The following FHIT variants were observed in gnomAD, a reference collection of about 807,000 sequenced individuals.
FHIT encodes the protein bis(5'-adenosyl)-triphosphatase.
FHIT carries 19 observed loss-of-function variants against 17.9 expected under a neutral mutation model. The observed-to-expected ratio is 1.06, with a 90% CI of 0.74 to 1.56. The LOEUF (loss-of-function observed/expected upper bound fraction) is 1.56, where lower values mean the gene tolerates loss of function less well. Ranked by LOEUF, FHIT falls within the 40% of genes most tolerant of loss-of-function variation. The probability of loss-of-function intolerance (pLI) is 0.00; values close to 1 mark genes in which losing one functional copy is unlikely to be tolerated. For synonymous variants in FHIT, 81 were observed against 69.7 expected (o/e 1.16, Z -0.81); for missense variants, 248 against 189.2 (o/e 1.31, Z -1.82).
chr3:60,827,282 A>T (rs2106797693), intron 3 of FHIT, among the ~76,000 whole-genome samples: 1 of 152,280 alleles, frequency 6.6e-6, no homozygotes, highest in East Asian at 1.9e-4. Context: ...TTCAAAGAAA[A>T]ATCTGGCCAT....
chr3:60,334,133 A>C (rs1710122469), intron 5 of FHIT, among the ~76,000 whole-genome samples: 1 of 152,202 alleles, frequency 6.6e-6, no homozygotes, highest in Admixed American at 6.5e-5. Context: ...GGAAGGACCT[A>C]GACTGAACCC....
intron 5 of FHIT, among the ~76,000 whole-genome samples, chr3:60,146,021 C>G (rs1207528045): frequency 6.6e-6 from 1 of 151,516 alleles, no homozygotes; most frequent in Non-Finnish European, 1.5e-5. Context: ...TATTGGTTTC[C>G]TCATATTTTC....
rs185833175 is a variant in FHIT, at chr3:61,049,891, T to C, written c.-163-7792A>G. On this transcript the variant is annotated intron_variant, in intron 2 of 9. Transcript: ENST00000492590. ...ATTTTAGAGGTGCCCTCCTTATACA[T>C]GGAGGAAAGGAACATCCTTACCTCT... 2.0e-3 allele frequency among the ~76,000 whole-genome samples: 304 copies of C among 152,242 alleles called. 2 individuals are homozygous for C. Among genetic ancestry groups the C allele is most frequent in the African/African-American group, 6.9e-3 (287 of 41,536 alleles).
chr3:59,857,706 T>G (rs550670744), intron 8 of FHIT, among the ~76,000 whole-genome samples: 2,406 of 54,254 alleles, frequency 0.044, 74 homozygotes, highest in African/African-American at 0.2. Context: ...AAGTGCTGGG[T>G]TTTTTTTTTT....
At chr3:60,144,675 G>C (rs1700167085) in intron 5 of FHIT, among the ~76,000 whole-genome samples, 1 of 152,054 alleles carries the variant, frequency 6.6e-6, no homozygotes, top group African/African-American at 2.4e-5. Context: ...ACATATCCGT[G>C]TTGTGTAATG....
chr3:60,541,001 G>C (rs570991266), intron 4 of FHIT, among the ~76,000 whole-genome samples: 1 of 152,214 alleles, frequency 6.6e-6, no homozygotes, highest in Non-Finnish European at 1.5e-5. Context: ...AGAAACTCTG[G>C]GACAAGGGCC....
intron 3 of FHIT, among the ~76,000 whole-genome samples, chr3:60,878,666 T>C (rs1312670389): frequency 6.7e-6 from 1 of 150,298 alleles, no homozygotes; most frequent in African/African-American, 2.5e-5. Flanking sequence ...CAGGCCCCGG[T>C]GTGTGATGTT....
rs532207565 is a variant in FHIT, at chr3:60,735,324, G to C, written c.-18+86595C>G. On this transcript the variant is annotated intron_variant, in intron 4 of 9. Coordinates refer to ENST00000492590, the MANE Select transcript of FHIT (RefSeq NM_002012.4). ...ACCATCATCCTCACTTTCCTCTGGGGAATCCCCTTCTCCAGTTCTGACTCC... is the reference window on the plus strand; with the variant it reads ...ACCATCATCCTCACTTTCCTCTGGGCAATCCCCTTCTCCAGTTCTGACTCC... 2.0e-5 allele frequency among the ~76,000 whole-genome samples: 3 copies of C among 152,168 alleles called. No homozygotes were observed. In the South Asian group the frequency reaches 6.2e-4, roughly 32 times the overall value.
chr3:61,182,617 A>G (rs1425883547), intron 2 of FHIT, among the ~76,000 whole-genome samples: 4 of 152,192 alleles, frequency 2.6e-5, no homozygotes. Flanking sequence ...AATTCATACT[A>G]GAGAGTAAAT....
At chr3:59,938,623 T>C (rs1706358608) in intron 7 of FHIT, among the ~76,000 whole-genome samples, 1 of 152,188 alleles carries the variant, frequency 6.6e-6, no homozygotes, top group Non-Finnish European at 1.5e-5. Flanking sequence ...ATTTGCTTCA[T>C]TATAGTAACT....
intron 7 of FHIT, among the ~76,000 whole-genome samples, chr3:59,971,634 T>C (rs1458698549): frequency 6.6e-6 from 1 of 152,154 alleles, no homozygotes; most frequent in Admixed American, 6.5e-5. Flanking sequence ...TTCAATACCA[T>C]GTGCATCAAC....
chr3:59,808,557 G>C (rs960110990), intron 8 of FHIT, among the ~76,000 whole-genome samples: 1 of 152,018 alleles, frequency 6.6e-6, no homozygotes. Flanking sequence ...TCCCACCTCC[G>C]GGTCTGTTGA....
chr3:61,195,358 T>C (rs891185346), intron 2 of FHIT, among the ~76,000 whole-genome samples: 3 of 152,106 alleles, frequency 2.0e-5, no homozygotes, highest in Non-Finnish European at 4.4e-5. Context: ...AGTCAAAAGG[T>C]AGCTGCTTTA....
chr3:60,240,880 T>A (rs1559754422), intron 5 of FHIT, among the ~76,000 whole-genome samples: 1 of 152,146 alleles, frequency 6.6e-6, no homozygotes, highest in Non-Finnish European at 1.5e-5. Context: ...GAATAAATCA[T>A]TTCTTCTGGA....
intron 5 of FHIT, among the ~76,000 whole-genome samples, chr3:60,181,970 G>A (rs1471287366): frequency 6.6e-6 from 1 of 152,126 alleles, no homozygotes; most frequent in Non-Finnish European, 1.5e-5. Flanking sequence ...CAACAGCCTA[G>A]ATAAATGGGA....
intron 2 of FHIT, among the ~76,000 whole-genome samples, chr3:61,156,511 C>G (rs2037538294): frequency 6.6e-6 from 1 of 152,034 alleles, no homozygotes; most frequent in East Asian, 1.9e-4. Flanking sequence ...AACCCAAAGT[C>G]CCTGAGACAG....
chr3:60,237,262 A>ATT (rs201958097), intron 5 of FHIT, among the ~76,000 whole-genome samples: 20,467 of 124,284 alleles, frequency 0.16, 1,435 homozygotes, highest in East Asian at 0.24. Context: ...TTGTTTTTCC[A>ATT]TTTTTTTTTT....
chr3:60,259,747 G>A (rs1394945425), intron 5 of FHIT, among the ~76,000 whole-genome samples: 2 of 152,016 alleles, frequency 1.3e-5, no homozygotes, highest in African/African-American at 4.8e-5. Flanking sequence ...TCAAAATCAT[G>A]TTTCAATAAT....
In FHIT at chr3:60,570,737, T is replaced by TAAAAA. The variant is rs10637926; in HGVS notation, c.-17-33763_-17-33759dup. Among the ~76,000 whole-genome samples, 76 of 132,512 alleles carry TAAAAA rather than the reference T, an allele frequency of 5.7e-4. 3 individuals are homozygous for TAAAAA. Among genetic ancestry groups the TAAAAA allele is most frequent in the Middle Eastern group, 4.4e-3 (1 of 228 alleles). 86.9% of individuals were successfully genotyped at this position (132,512 alleles called of 152,430 possible). The stretch of plus-strand genomic sequence containing the variant: ...AACAATACTTAGTACATTAAAAAAT[T>TAAAAA]AAAAAAAAAAAAAAAAAACTATCTC... On this transcript the variant is annotated intron_variant, in intron 4 of 9. Coordinates refer to ENST00000492590, the MANE Select transcript of FHIT (RefSeq NM_002012.4).
Sources: gnomAD v4.1 joint callset for allele counts (sites outside exome capture counted in the v4.1 genomes callset) on GRCh38, gnomAD v4.1.1 for gene constraint, MANE v1.5 for transcripts, NCBI Gene and HGNC (gene_info 2026-07-23, HGNC 2026-07-21) for gene names.